The following WDFY2 variants were observed in gnomAD, a reference collection of about 807,000 sequenced individuals.
WDFY2 encodes WD repeat and FYVE domain-containing protein 2.
Under a neutral mutation model 56.4 loss-of-function variants are expected in WDFY2, and 36 were observed. The ratio of observed to expected loss-of-function variants is 0.64; its 90% CI spans 0.49 to 0.84. The LOEUF (loss-of-function observed/expected upper bound fraction) is 0.84, where lower values mean the gene tolerates loss of function less well. Among genes scored for constraint, WDFY2 ranks in the 40% least tolerant of loss-of-function variants. The pLI is 0.00. For missense variants in WDFY2, 444 were observed against 512.2 expected (o/e 0.87, Z 1.29); for synonymous variants, 176 against 183.7 (o/e 0.96, Z 0.34).
At chr13:51,748,236 G>A (rs556220814) in intron 7 of WDFY2, among the ~76,000 whole-genome samples, 5 of 152,270 alleles carry the variant, frequency 3.3e-5, no homozygotes, top group East Asian at 3.9e-4. Context: ...AACCGTGTTC[G>A]GCTTAGATTG....
intron 1 of WDFY2, among the ~76,000 whole-genome samples, chr13:51,646,285 G>T (rs1955260994): frequency 6.6e-6 from 1 of 152,210 alleles, no homozygotes; most frequent in South Asian, 2.1e-4. Flanking sequence ...TCCCTGGGCG[G>T]CAGAGGCAAT....
chr13:51,615,967 CAT>C (rs1459769009), intron 1 of WDFY2, among the ~76,000 whole-genome samples: 2 of 152,174 alleles, frequency 1.3e-5, no homozygotes, highest in Non-Finnish European at 2.9e-5. Flanking sequence ...GAACAGGCCA[CAT>C]GTGGTGGTTT....
intron 1 of WDFY2, among the ~76,000 whole-genome samples, chr13:51,647,040 A>G (rs1416424370): frequency 6.6e-6 from 1 of 152,180 alleles, no homozygotes; most frequent in Non-Finnish European, 1.5e-5. Context: ...TTTACATACC[A>G]TTTACATAGT....
At chr13:51,723,382 A>G (rs2138640938) in intron 5 of WDFY2, among the ~76,000 whole-genome samples, 1 of 151,732 alleles carries the variant, frequency 6.6e-6, no homozygotes. Context: ...TTTGTTTGAA[A>G]TTCGATCTAG....
chr13:51,759,400 C>G (rs925171436), intron 11 of WDFY2, among the ~76,000 whole-genome samples: 1 of 152,158 alleles, frequency 6.6e-6, no homozygotes, highest in Non-Finnish European at 1.5e-5. Context: ...TCGAATGCTG[C>G]CTCAGATGTA....
intron 6 of WDFY2, among the ~76,000 whole-genome samples, chr13:51,730,761 A>G (rs79162560): frequency 0.051 from 7,744 of 152,268 alleles, 246 homozygotes; most frequent in Middle Eastern, 0.082. Context: ...TGAGAAGAGT[A>G]TCTCAGGCAG....
intron 1 of WDFY2, among the ~76,000 whole-genome samples, chr13:51,592,755 G>C (rs1194542337): frequency 6.6e-6 from 1 of 151,852 alleles, no homozygotes; most frequent in East Asian, 1.9e-4. Flanking sequence ...TCTCTTTTCC[G>C]ATTTCTAAGG....
At chr13:51,695,889 C>T (rs1951863822) in intron 3 of WDFY2, among the ~76,000 whole-genome samples, 1 of 152,218 alleles carries the variant, frequency 6.6e-6, no homozygotes, top group South Asian at 2.1e-4. Flanking sequence ...ATGGTGGGTG[C>T]CCCTCCCCCA....
intron 1 of WDFY2, among the ~76,000 whole-genome samples, chr13:51,613,148 T>A (rs1566313453): frequency 6.6e-6 from 1 of 151,804 alleles, no homozygotes; most frequent in Non-Finnish European, 1.5e-5. Flanking sequence ...TAGTGTGTGA[T>A]CATCATGCCT....
At chr13:51,689,132 C>CTG (rs1956107126) in intron 3 of WDFY2, among the ~76,000 whole-genome samples, 1 of 152,132 alleles carries the variant, frequency 6.6e-6, no homozygotes, top group South Asian at 2.1e-4. Flanking sequence ...ACATCCAAAC[C>CTG]TGTGTGTCTT....
intron 5 of WDFY2, among the ~76,000 whole-genome samples, chr13:51,725,575 T>G (rs1050985486): frequency 6.6e-6 from 1 of 152,294 alleles, no homozygotes. Flanking sequence ...TATGTGATTA[T>G]GTCACCAATT....
chr13:51,641,549 G>A (rs907064487), intron 1 of WDFY2, among the ~76,000 whole-genome samples: 16 of 151,830 alleles, frequency 1.1e-4, no homozygotes, highest in South Asian at 2.1e-4. Flanking sequence ...TTGTCGGGCC[G>A]GGCGCGGTGG....
chr13:51,669,101 T>C (rs1272622261), intron 2 of WDFY2, among the ~76,000 whole-genome samples: 1 of 152,208 alleles, frequency 6.6e-6, no homozygotes, highest in Non-Finnish European at 1.5e-5. Flanking sequence ...ATCCATTTAA[T>C]TATTGACTCT....
At chr13:51,627,901 A>G (rs1954867892) in intron 1 of WDFY2, among the ~76,000 whole-genome samples, 1 of 152,196 alleles carries the variant, frequency 6.6e-6, no homozygotes, top group Non-Finnish European at 1.5e-5. Context: ...TGGTCCAGTC[A>G]TCTGCCGGAG....
intron 2 of WDFY2, among the ~76,000 whole-genome samples, chr13:51,670,381 CTGCTT>C (rs1955784779): frequency 6.6e-6 from 1 of 152,098 alleles, no homozygotes; most frequent in Non-Finnish European, 1.5e-5. Context: ...AATCGGCTCT[CTGCTT>C]CTTTGATCTA....
At chr13:51,733,631 C>G (rs1952772388) in intron 6 of WDFY2, among the ~76,000 whole-genome samples, 1 of 152,184 alleles carries the variant, frequency 6.6e-6, no homozygotes, top group East Asian at 1.9e-4. Flanking sequence ...GTTTAGGAGG[C>G]TACTGCTGGA....
At chr13:51,724,404 AT>A in intron 5 of WDFY2, among the ~76,000 whole-genome samples, 1 of 151,632 alleles carries the variant, frequency 6.6e-6, no homozygotes, top group South Asian at 2.1e-4. Flanking sequence ...CGCCCAGCTA[AT>A]TTTTTGTATT....
At chr13:51,745,770 G>A (rs1953083591) in intron 7 of WDFY2, among the ~76,000 whole-genome samples, 1 of 142,520 alleles carries the variant, frequency 7.0e-6, no homozygotes, top group Admixed American at 7.2e-5. Flanking sequence ...AAAAAACCAG[G>A]CTGGTCTTAT....
At chr13:51,714,626 A>G (rs1413215813) in intron 4 of WDFY2, among the ~76,000 whole-genome samples, 1 of 152,176 alleles carries the variant, frequency 6.6e-6, no homozygotes, top group East Asian at 1.9e-4. Context: ...GTGGGAATGT[A>G]AAATGTAGCC....
Sources: allele counts gnomAD v4.1 joint callset (sites outside exome capture counted in the v4.1 genomes callset), GRCh38; gene constraint gnomAD v4.1.1; transcripts MANE v1.5; gene names NCBI Gene and HGNC (gene_info 2026-07-23, HGNC 2026-07-21).